The following DYNLL1 variants were observed in gnomAD, a reference collection of about 807,000 sequenced individuals.
DYNLL1 encodes dynein light chain LC8-type 1.
Under a neutral mutation model 10.1 loss-of-function variants are expected in DYNLL1, and 3 were observed. The ratio of observed to expected loss-of-function variants is 0.30; its 90% CI spans 0.14 to 0.77. The LOEUF (loss-of-function observed/expected upper bound fraction) is 0.77, where lower values mean the gene tolerates loss of function less well. Ranked by LOEUF, DYNLL1 falls within the 30% of genes least tolerant of loss-of-function variation. The pLI is 0.66. For synonymous variants in DYNLL1, 46 were observed against 41.2 expected (o/e 1.12, Z -0.45); for missense variants, 47 against 111.7 (o/e 0.42, Z 2.61).
intron 1 of DYNLL1, among the ~76,000 whole-genome samples, chr12:120,485,839 T>TAAAA (rs749971979): frequency 1.8e-4 from 14 of 76,224 alleles, no homozygotes; most frequent in Admixed American, 5.1e-4. Context: ...AGTCCCTGTC[T>TAAAA]AAAAAAAAAA....
In DYNLL1 at chr12:120,498,344, G is replaced by T; in HGVS notation, c.*134G>T. On this transcript the variant is annotated 3_prime_UTR_variant, in exon 3 of 3. Transcript: ENST00000242577. ...GATGTTTGAACCTTTGTTGTGTTTT[G>T]TACAGGGCATTCTCTGTACTAGTTT... 1 of 1,100,826 alleles carries T rather than the reference G, an allele frequency of 9.1e-7. No homozygotes were observed. Among genetic ancestry groups the T allele is most frequent in the Non-Finnish European group, 1.3e-6 (1 of 793,506 alleles). The allele number at this position is 1,100,826 out of a possible 1,614,324, so 68.2% of individuals were successfully genotyped here.
chr12:120,485,030 G>A (rs564617687), intron 1 of DYNLL1, among the ~76,000 whole-genome samples: 155 of 150,582 alleles, frequency 1.0e-3, no homozygotes, highest in African/African-American at 3.5e-3. Context: ...GTGAGCCACC[G>A]CCCCTGGCCG....
intron 1 of DYNLL1, among the ~76,000 whole-genome samples, chr12:120,480,332 A>G (rs1878854324): frequency 6.6e-6 from 1 of 152,210 alleles, no homozygotes; most frequent in African/African-American, 2.4e-5. Flanking sequence ...AAGATCTCCA[A>G]GATACTGACA....
chr12:120,495,982 G>A (rs565441080), upstream of DYNLL1: 19 of 251,404 alleles, frequency 7.6e-5, no homozygotes, highest in Non-Finnish European at 1.3e-4. Context: ...AGGGAACCAT[G>A]GAGTCAATGG....
chr12:120,484,474 A>G (rs1385816565), intron 1 of DYNLL1, among the ~76,000 whole-genome samples: 1 of 152,180 alleles, frequency 6.6e-6, no homozygotes, highest in Non-Finnish European at 1.5e-5. Context: ...AGCCTGTTAT[A>G]TGCCGGGAAA....
intron 1 of DYNLL1, among the ~76,000 whole-genome samples, chr12:120,482,322 AAC>A (rs1878899057): frequency 7.7e-6 from 1 of 130,542 alleles, no homozygotes; most frequent in Non-Finnish European, 1.7e-5. Context: ...GATTTGCCAA[AAC>A]AATTTTTTTT....
intron 1 of DYNLL1, among the ~76,000 whole-genome samples, chr12:120,486,307 TG>T (rs1013153044): frequency 6.6e-6 from 1 of 152,160 alleles, no homozygotes; most frequent in Non-Finnish European, 1.5e-5. Context: ...AAGTGGCTCC[TG>T]GAAGAAACAG....
rs577539433 is a variant in DYNLL1, at chr12:120,476,952, C to T, written c.-7+6848C>T. On this transcript the variant is annotated intron_variant, in intron 1 of 2. Coordinates refer to the DYNLL1 transcript ENST00000392509. ...GTTTTTTTTGTTTTTTTTTTTGAGACGGAGTCTCGCTCTGTTGCCCAGGCT... is the reference window on the plus strand; with the variant it reads ...GTTTTTTTTGTTTTTTTTTTTGAGATGGAGTCTCGCTCTGTTGCCCAGGCT... 4.0e-3 allele frequency among the ~76,000 whole-genome samples: 585 copies of T among 145,488 alleles called. 8 individuals are homozygous for T. Among genetic ancestry groups the T allele is most frequent in the African/African-American group, 0.014 (540 of 39,072 alleles).
chr12:120,494,616 C>T (rs375859810), upstream of DYNLL1, among the ~76,000 whole-genome samples: 10 of 152,110 alleles, frequency 6.6e-5, no homozygotes, highest in South Asian at 2.1e-3. Context: ...TGCCTCTGCT[C>T]AAATTGTTTT....
chr12:120,486,941 TGAGA>T (rs1201526872), intron 1 of DYNLL1, among the ~76,000 whole-genome samples: 2 of 151,734 alleles, frequency 1.3e-5, no homozygotes, highest in African/African-American at 4.8e-5. Flanking sequence ...TTCAGGAGGA[TGAGA>T]GAGAGACCTC....
intron 1 of DYNLL1, among the ~76,000 whole-genome samples, chr12:120,477,710 G>C (rs1006713431): frequency 3.9e-5 from 6 of 152,196 alleles, no homozygotes; most frequent in Non-Finnish European, 7.4e-5. Flanking sequence ...AGGAGTTGGA[G>C]GCTGCTTTGA....
At chr12:120,479,088 C>T (rs562784084) in intron 1 of DYNLL1, among the ~76,000 whole-genome samples, 10 of 150,894 alleles carry the variant, frequency 6.6e-5, no homozygotes, top group African/African-American at 1.7e-4. Context: ...CGCTTGAACC[C>T]GGGAAGCAGA....
At chr12:120,474,314 CCTT>C (rs1336811217) in intron 1 of DYNLL1, among the ~76,000 whole-genome samples, 6 of 152,070 alleles carry the variant, frequency 3.9e-5, no homozygotes, top group East Asian at 3.9e-4. Flanking sequence ...ATGGGCTTGT[CCTT>C]CTTTTCACCA....
At chr12:120,497,816 C>G in intron 2 of DYNLL1, 1 of 458,508 alleles carries the variant, frequency 2.2e-6, no homozygotes, top group Non-Finnish European at 3.9e-6. Flanking sequence ...ACCATAATAA[C>G]AAAACACCCT....
intron 1 of DYNLL1, among the ~76,000 whole-genome samples, chr12:120,471,933 G>A (rs916015161): frequency 1.3e-5 from 2 of 151,984 alleles, no homozygotes; most frequent in Non-Finnish European, 2.9e-5. Context: ...TTTATCAGAC[G>A]GAAATAAGCA....
intron 1 of DYNLL1, among the ~76,000 whole-genome samples, chr12:120,481,893 T>C (rs1303496503): frequency 2.0e-5 from 3 of 152,198 alleles, no homozygotes; most frequent in East Asian, 3.8e-4. Context: ...CTGTTGCCCA[T>C]GGGGCAGTGC....
At chr12:120,473,692 CA>C (rs1227211097) in intron 1 of DYNLL1, among the ~76,000 whole-genome samples, 826 of 75,438 alleles carry the variant, frequency 0.011, 1 homozygote, top group Middle Eastern at 0.017. Context: ...GACTCTGTCT[CA>C]AAAAAAAAAA....
chr12:120,472,980 C>T (rs1878682054), intron 1 of DYNLL1, among the ~76,000 whole-genome samples: 1 of 152,132 alleles, frequency 6.6e-6, no homozygotes, highest in African/African-American at 2.4e-5. Flanking sequence ...GGCAGGGACA[C>T]CTTTTAAACT....
intron 1 of DYNLL1, among the ~76,000 whole-genome samples, chr12:120,482,618 G>T (rs1301972638): frequency 2.0e-5 from 3 of 151,914 alleles, no homozygotes; most frequent in Admixed American, 1.3e-4. Context: ...CACCATGCCC[G>T]GCCTAGCCAA....
Sources: allele counts gnomAD v4.1 joint callset (sites outside exome capture counted in the v4.1 genomes callset), GRCh38; gene constraint gnomAD v4.1.1; transcripts MANE v1.5; gene names NCBI Gene and HGNC (gene_info 2026-07-23, HGNC 2026-07-21).